The following SGCZ variants were observed in gnomAD, a reference collection of about 807,000 sequenced individuals.
SGCZ encodes sarcoglycan zeta.
Under a neutral mutation model 41.3 loss-of-function variants are expected in SGCZ, and 40 were observed. The ratio of observed to expected loss-of-function variants is 0.97; its 90% confidence interval spans 0.75 to 1.26. The LOEUF (loss-of-function observed/expected upper bound fraction) is 1.26, where lower values mean the gene tolerates loss of function less well. Ranked by LOEUF, SGCZ falls within the 50% of genes most tolerant of loss-of-function variation. The probability of loss-of-function intolerance (pLI) is 0.00; values close to 1 mark genes in which losing one functional copy is unlikely to be tolerated. For synonymous variants in SGCZ, 206 were observed against 137.5 expected, an observed-to-expected ratio of 1.50 and a Z score of -3.49; for missense variants, 552 against 369.8, an observed-to-expected ratio of 1.49 and a Z score of -4.04.
chr8:14,873,999 T>A (rs1804258402), intron 1 of SGCZ, among the ~76,000 whole-genome samples: 1 of 152,032 alleles, frequency 6.6e-6, no homozygotes, highest in Non-Finnish European at 1.5e-5. Context: ...AGCAACATTA[T>A]GGGGCAAAAA....
chr8:14,444,617 A>T lies in SGCZ; in HGVS notation c.234+110115T>A, dbSNP rs1042631929. On this transcript the variant is annotated intron_variant, in intron 2 of 7. Transcript: ENST00000382080. Reference sequence around the variant, plus strand: ...CACAGGTGGGAATTGAAAAATGAGAACACATGGACACAGGAAGGGGAACAT... The same window carrying T: ...CACAGGTGGGAATTGAAAAATGAGATCACATGGACACAGGAAGGGGAACAT... 6.0e-4 allele frequency among the ~76,000 whole-genome samples: 87 copies of T among 144,190 alleles called. 1 individual carries two copies. The highest frequency in any genetic ancestry group is 2.2e-3 in the African/African-American group (85 of 39,010). The allele number at this position is 144,190 out of a possible 152,430, so 94.6% of individuals were successfully genotyped here.
At position 14,164,563 on chromosome 8, in the gene SGCZ, A is replaced by T; in HGVS notation, c.547+17T>A. On this transcript the variant is annotated intron_variant, in intron 5 of 7. Transcript: ENST00000382080. ...TTAAAGAAGTAAACAATTTTTCAAG[A>T]CCTCCATCTACAGTACCTGTAACTT... 1 of 1,612,082 alleles carries T rather than the reference A, an allele frequency of 6.2e-7. No homozygotes were observed. The highest frequency in any genetic ancestry group is 8.5e-7 in the Non-Finnish European group (1 of 1,179,106).
intron 2 of SGCZ, among the ~76,000 whole-genome samples, chr8:14,510,967 C>G (rs1802449946): frequency 6.6e-6 from 1 of 151,958 alleles, no homozygotes; most frequent in Non-Finnish European, 1.5e-5. Flanking sequence ...AGCTGGTACC[C>G]AACTCTAAGT....
intron 1 of SGCZ, among the ~76,000 whole-genome samples, chr8:15,022,150 A>G (rs7830867): frequency 0.41 from 62,652 of 152,040 alleles, 13,090 homozygotes; most frequent in Middle Eastern, 0.56. Flanking sequence ...ATCTGTCTTT[A>G]TATGAATTTC....
At chr8:14,197,262 T>C (rs1451738710) in intron 4 of SGCZ, among the ~76,000 whole-genome samples, 3 of 152,094 alleles carry the variant, frequency 2.0e-5, no homozygotes, top group Admixed American at 6.6e-5. Flanking sequence ...TTCCTGAATA[T>C]AGAAATGAAG....
chr8:14,597,525 G>C (rs1347722798), intron 1 of SGCZ, among the ~76,000 whole-genome samples: 1 of 152,182 alleles, frequency 6.6e-6, no homozygotes, highest in East Asian at 1.9e-4. Flanking sequence ...CTGGAGTGCA[G>C]TGGCAGGATC....
At chr8:14,854,708 T>C (rs993183641) in intron 1 of SGCZ, among the ~76,000 whole-genome samples, 2 of 152,176 alleles carry the variant, frequency 1.3e-5, no homozygotes, top group Non-Finnish European at 2.9e-5. Context: ...TTTTTCACTT[T>C]TGTTGGATTA....
At chr8:14,796,776 C>G (rs138346704) in intron 1 of SGCZ, among the ~76,000 whole-genome samples, 1 of 152,282 alleles carries the variant, frequency 6.6e-6, no homozygotes, top group Non-Finnish European at 1.5e-5. Context: ...AGAATCCCCA[C>G]ATGTGGTGGT....
At chr8:14,239,754 T>A (rs1798793482) in intron 3 of SGCZ, among the ~76,000 whole-genome samples, 1 of 150,314 alleles carries the variant, frequency 6.7e-6, no homozygotes, top group African/African-American at 2.5e-5. Flanking sequence ...TACAAAAAAT[T>A]AGCCGGGCGT....
intron 1 of SGCZ, among the ~76,000 whole-genome samples, chr8:14,730,017 C>T (rs913034094): frequency 5.3e-5 from 8 of 152,188 alleles, no homozygotes; most frequent in East Asian, 1.9e-4. Flanking sequence ...CCCAGTGGGG[C>T]GGAGATTGCA....
chr8:14,681,791 T>G (rs1350216354), intron 1 of SGCZ, among the ~76,000 whole-genome samples: 1 of 152,154 alleles, frequency 6.6e-6, no homozygotes, highest in Non-Finnish European at 1.5e-5. Flanking sequence ...GCATGTTTTT[T>G]AATGTTCTCC....
At chr8:14,901,289 T>G (rs374462265) in intron 1 of SGCZ, among the ~76,000 whole-genome samples, 1 of 152,196 alleles carries the variant, frequency 6.6e-6, no homozygotes, top group Non-Finnish European at 1.5e-5. Context: ...ACCACAGTTT[T>G]ATTATGAGTT....
chr8:14,315,778 G>A (rs958915395), intron 3 of SGCZ, among the ~76,000 whole-genome samples: 29 of 150,084 alleles, frequency 1.9e-4, no homozygotes, highest in Non-Finnish European at 3.9e-4. Context: ...AAGAAAAGCA[G>A]AAAAAGGAAT....
intron 1 of SGCZ, among the ~76,000 whole-genome samples, chr8:15,038,700 A>G (rs144759881): frequency 1.1e-4 from 17 of 151,946 alleles, no homozygotes; most frequent in Admixed American, 9.8e-4. Context: ...AAAATTGTAA[A>G]TTATCACTTC....
At chr8:14,856,376 G>A (rs1444693121) in intron 1 of SGCZ, among the ~76,000 whole-genome samples, 2 of 152,162 alleles carry the variant, frequency 1.3e-5, no homozygotes, top group African/African-American at 2.4e-5. Context: ...GAGGCAAGAA[G>A]GCCATTCAAG....
chr8:14,420,817 T>A (rs375933571), intron 2 of SGCZ, among the ~76,000 whole-genome samples: 2 of 152,148 alleles, frequency 1.3e-5, no homozygotes, highest in East Asian at 3.8e-4. Context: ...CCTCCTTTTA[T>A]CTTTGTTAAA....
At chr8:14,760,174 AATTAT>A (rs1262257342) in intron 1 of SGCZ, among the ~76,000 whole-genome samples, 1 of 152,178 alleles carries the variant, frequency 6.6e-6, no homozygotes, top group East Asian at 1.9e-4. Flanking sequence ...GCCCGGAAAT[AATTAT>A]ATCACCTGTG....
intron 2 of SGCZ, among the ~76,000 whole-genome samples, chr8:14,507,001 C>A (rs1009548786): frequency 1.2e-4 from 18 of 152,142 alleles, no homozygotes; most frequent in Non-Finnish European, 1.8e-4. Context: ...TACATAAATA[C>A]CATCTCTATG....
chr8:14,966,733 T>C (rs1801138153), intron 1 of SGCZ, among the ~76,000 whole-genome samples: 1 of 152,128 alleles, frequency 6.6e-6, no homozygotes, highest in African/African-American at 2.4e-5. Context: ...ACGCTTTGGG[T>C]TGTTTTCTTT....
Sources: allele counts gnomAD v4.1 joint callset (sites outside exome capture counted in the v4.1 genomes callset), GRCh38; gene constraint gnomAD v4.1.1; transcripts MANE v1.5; gene names NCBI Gene and HGNC (gene_info 2026-07-23, HGNC 2026-07-21).